PGM3: variants seen among roughly 807,000 people sequenced by gnomAD.
PGM3 encodes phosphoglucomutase 3.
Under a neutral mutation model 66.2 loss-of-function variants are expected in PGM3, and 40 were observed. The ratio of observed to expected loss-of-function variants is 0.60; its 90% CI spans 0.47 to 0.79. The LOEUF is 0.79. Ranked by LOEUF, PGM3 falls within the 30% of genes least tolerant of loss-of-function variation. PGM3 has a pLI of 0.00. For missense variants in PGM3, 537 were observed against 643.4 expected, an observed-to-expected ratio of 0.83 and a Z score of 1.79; for synonymous variants, 191 against 224.2, an observed-to-expected ratio of 0.85 and a Z score of 1.32.
the PGM3 span, chr6:83,155,892 C>T: frequency 1.1e-4 from 177 of 1,559,236 alleles, 5 homozygotes; most frequent in South Asian, 2.1e-3. Context: ...TTTTAAAAAA[C>T]AACAGAATAA....
At chr6:83,180,656 T>A (rs1030039175) in intron 6 of PGM3, among the ~76,000 whole-genome samples, 2 of 152,232 alleles carry the variant, frequency 1.3e-5, no homozygotes, top group African/African-American at 4.8e-5. Flanking sequence ...ACTATGGTTT[T>A]GTTCATACTG....
intron 1 of PGM3, 71 bp from the exon 2 acceptor site, chr6:83,191,085 C>G: frequency 2.7e-6 from 4 of 1,490,214 alleles, no homozygotes; most frequent in Non-Finnish European, 3.7e-6. Context: ...TCAAAAACTG[C>G]CACCCCAAAC....
chr6:83,187,329 C>G (rs79352178), intron 3 of PGM3, among the ~76,000 whole-genome samples: 1,853 of 152,172 alleles, frequency 0.012, 27 homozygotes, highest in African/African-American at 0.037. Flanking sequence ...ACACTCTAAC[C>G]ACAGCATACC....
Position 83,168,210 on chromosome 6 carries a change from AT to A in PGM3, c.*1023del. ...ATTTAGCTTACATGTAAATGTAATT[AT>A]TTAAAACACACACACTGCTCTGCGT... is the stretch of plus-strand genomic sequence containing the variant. On this transcript the variant is annotated 3_prime_UTR_variant, in exon 13 of 13. Coordinates refer to ENST00000513973, the MANE Select transcript of PGM3 (RefSeq NM_015599.3). The A allele has an allele frequency of 6.4e-7, 1 of 1,569,378 alleles. No individual in the cohort carries two copies. Among genetic ancestry groups the A allele is most frequent in the South Asian group, 1.2e-5 (1 of 82,242 alleles).
intron 10 of PGM3, among the ~76,000 whole-genome samples, chr6:83,174,077 TA>T (rs953831088): frequency 1.1e-4 from 17 of 151,494 alleles, no homozygotes; most frequent in African/African-American, 3.4e-4. Flanking sequence ...GAGGTTTGGT[TA>T]AAAAAAAATT....
intron 5 of PGM3, among the ~76,000 whole-genome samples, chr6:83,182,139 T>C (rs1182854824): frequency 2.6e-5 from 4 of 152,226 alleles, no homozygotes; most frequent in Non-Finnish European, 5.9e-5. Flanking sequence ...AACAACAGAA[T>C]AGTTTTGCTG....
Position 83,188,777 on chromosome 6 carries a change from C to A in PGM3, c.226G>T (p.Val76Phe). 1.2e-6 allele frequency: 2 copies of A among 1,614,014 alleles called. No individual in the cohort carries two copies. Among genetic ancestry groups the A allele is most frequent in the Non-Finnish European group, 1.7e-6 (2 of 1,179,926 alleles). Residue 76 changes from valine to phenylalanine, a missense_variant, in exon 3 of 13, where the codon GTT (valine) becomes TTT (phenylalanine). Val to Phe is a conservative substitution (Grantham distance 50). Transcript: ENST00000513973. ...NPEEDNGVKL[V>F]DPLGEMLAPS... ...GCCAACATTTCACCCAAAGGATCAACCAATTTTACACCATTGTCTTCCTTA... is the reference window on the plus strand; with the variant it reads ...GCCAACATTTCACCCAAAGGATCAAACAATTTTACACCATTGTCTTCCTTA...
intron 1 of PGM3, among the ~76,000 whole-genome samples, chr6:83,191,806 T>A (rs762880788): frequency 6.6e-6 from 1 of 151,102 alleles, no homozygotes. Context: ...CTGGCCAACA[T>A]GGCGAAACCG....
chr6:83,179,344 A>G (rs1429033128), intron 7 of PGM3, among the ~76,000 whole-genome samples: 3 of 152,090 alleles, frequency 2.0e-5, no homozygotes, highest in African/African-American at 4.8e-5. Context: ...TTAAATTCTT[A>G]AAGTATGCTG....
rs1317451698 is a variant in PGM3, at chr6:83,181,799, T to C, written c.724A>G (p.Lys242Glu). Residue 242 changes from lysine (K) to glutamate (E), a missense_variant, in exon 6 of 13, where the codon AAG becomes GAG. Transcript: ENST00000513973. ...CCACATAAATGATTGAGTTTGCCCT[T>C]GGACCCATCATTAAACAGCTGAACT... Reference protein sequence around the residue: ...LSVQLFNDGSKGKLNHLCGAD... With the variant: ...LSVQLFNDGSEGKLNHLCGAD... 2.5e-6 allele frequency: 4 copies of C among 1,614,096 alleles called. No individual in the cohort carries two copies. Among genetic ancestry groups the C allele is most frequent in the Non-Finnish European group, 3.4e-6 (4 of 1,179,982 alleles).
chr6:83,186,973 ATTAGT>A (rs1378428745), intron 4 of PGM3, 30 bp downstream of exon 4: 4 of 1,170,846 alleles, frequency 3.4e-6, no homozygotes, highest in South Asian at 1.4e-5. Flanking sequence ...TTTTTTAAAT[ATTAGT>A]TTAATTTCCA....
intron 3 of PGM3, among the ~76,000 whole-genome samples, chr6:83,187,387 A>G (rs1302747484): frequency 2.0e-5 from 3 of 152,234 alleles, no homozygotes; most frequent in Non-Finnish European, 4.4e-5. Context: ...GAACTCTAAG[A>G]ACAGTAACAA....
the PGM3 span, chr6:83,153,650 A>G: frequency 2.7e-6 from 4 of 1,494,514 alleles, no homozygotes; most frequent in Non-Finnish European, 3.6e-6. Context: ...AGTTTTTAAA[A>G]TTAATTCATA....
the PGM3 span, among the ~76,000 whole-genome samples, chr6:83,150,040 G>A: frequency 6.6e-6 from 1 of 152,162 alleles, no homozygotes; most frequent in Non-Finnish European, 1.5e-5. Flanking sequence ...TGCTTAGTGT[G>A]GGAAAGTAAG....
At chr6:83,155,816 G>A in the PGM3 span, 1 of 990,342 alleles carries the variant, frequency 1.0e-6, no homozygotes, top group Non-Finnish European at 1.4e-6. Context: ...GTCTGCCCCA[G>A]AGAGGGGCAT....
chr6:83,181,602 C>G, intron 6 of PGM3, 134 bp downstream of exon 6: 1 of 615,450 alleles, frequency 1.6e-6, no homozygotes, highest in Non-Finnish European at 2.8e-6. Flanking sequence ...AGTGGGAAGA[C>G]TTCTCAATGT....
the PGM3 span, chr6:83,152,277 CTTAT>C: frequency 6.6e-7 from 1 of 1,512,594 alleles, no homozygotes. Context: ...TTAATTTTCT[CTTAT>C]TTATAGATAT....
In PGM3 at chr6:83,165,935, G is replaced by T; in HGVS notation, c.*3299C>A. On this transcript the variant is annotated 3_prime_UTR_variant, in exon 13 of 13. Coordinates refer to ENST00000513973, the MANE Select transcript of PGM3 (RefSeq NM_015599.3). ...CAGAAAGCTGTAGTGGATCAGACTG[G>T]CAGCAAACCACCAAACAATGACCAT... is the stretch of plus-strand genomic sequence containing the variant. 2.6e-6 allele frequency: 1 copy of T among 382,670 alleles called. No individual in the cohort carries two copies. The highest frequency in any genetic ancestry group is 5.2e-6 in the Non-Finnish European group (1 of 191,596). 23.7% of individuals were successfully genotyped at this position (382,670 alleles called of 1,614,324 possible). A position where few individuals can be genotyped will look rare whatever the true frequency, so the allele number is the denominator to read the frequency against.
chr6:83,180,848 A>G (rs1788126890), intron 6 of PGM3, among the ~76,000 whole-genome samples: 1 of 152,236 alleles, frequency 6.6e-6, no homozygotes, highest in Admixed American at 6.5e-5. Flanking sequence ...ACATGAATGA[A>G]TGAGGCAACT....
Sources: allele counts gnomAD v4.1 joint callset (sites outside exome capture counted in the v4.1 genomes callset), GRCh38; gene constraint gnomAD v4.1.1; transcripts MANE v1.5; gene names NCBI Gene and HGNC (gene_info 2026-07-23, HGNC 2026-07-21).